Variants in CENPW observed in about 807,000 individuals in gnomAD.
CENPW encodes the protein centromere protein W, also known as cancer-up-regulated gene 2 protein.
CENPW carries 3 observed loss-of-function variants against 11.1 expected under a neutral mutation model. The ratio of observed to expected loss-of-function variants is 0.27; its 90% CI spans 0.12 to 0.70. The LOEUF (loss-of-function observed/expected upper bound fraction) is 0.70. Among genes scored for constraint, CENPW ranks in the 30% least tolerant of loss-of-function variants. The pLI is 0.77. For missense variants in CENPW, 100 were observed against 105.6 expected (o/e 0.95, Z 0.23); for synonymous variants, 38 against 42.0 (o/e 0.91, Z 0.37).
chr6:126,440,014 G>A, the CENPW span, among the ~76,000 whole-genome samples: 1 of 151,556 alleles, frequency 6.6e-6, no homozygotes, highest in East Asian at 1.9e-4. Context: ...AAATGTCTAA[G>A]TTAGATCATT....
chr6:126,398,540 T>A, the CENPW span, among the ~76,000 whole-genome samples: 1 of 152,144 alleles, frequency 6.6e-6, no homozygotes, highest in African/African-American at 2.4e-5. Context: ...CCTTAAATCA[T>A]CTCCTATAAA....
At chr6:126,410,086 G>C in the CENPW span, among the ~76,000 whole-genome samples, 1 of 151,774 alleles carries the variant, frequency 6.6e-6, no homozygotes, top group Admixed American at 6.6e-5. Context: ...TGTTCTACCA[G>C]AGCTTTATGT....
the CENPW span, among the ~76,000 whole-genome samples, chr6:126,480,961 G>T: frequency 6.6e-6 from 1 of 151,766 alleles, no homozygotes; most frequent in African/African-American, 2.4e-5. Context: ...AAAATAAAAT[G>T]CCAAAAATCT....
the CENPW span, among the ~76,000 whole-genome samples, chr6:126,425,379 C>G: frequency 1.3e-5 from 2 of 152,068 alleles, no homozygotes; most frequent in Non-Finnish European, 2.9e-5. Flanking sequence ...CTCTTTTACT[C>G]TCTCTCAAGA....
At chr6:126,456,796 A>G in the CENPW span, among the ~76,000 whole-genome samples, 7 of 151,578 alleles carry the variant, frequency 4.6e-5, no homozygotes, top group Admixed American at 6.6e-5. Context: ...TATGCAAACT[A>G]TGCAACCATC....
At chr6:126,428,901 T>C in the CENPW span, among the ~76,000 whole-genome samples, 2 of 152,190 alleles carry the variant, frequency 1.3e-5, no homozygotes, top group African/African-American at 4.8e-5. Context: ...TAGAGATAAC[T>C]TTTGCTACTG....
At chr6:126,427,404 G>A in the CENPW span, among the ~76,000 whole-genome samples, 1 of 152,268 alleles carries the variant, frequency 6.6e-6, no homozygotes, top group Non-Finnish European at 1.5e-5. Context: ...ACAATTGATA[G>A]GATTTGAGCA....
downstream of CENPW, among the ~76,000 whole-genome samples, chr6:126,349,694 AC>A (rs1402565852): frequency 1.6e-4 from 24 of 152,270 alleles, no homozygotes; most frequent in African/African-American, 5.5e-4. Context: ...AGTTTGTATA[AC>A]TATTCACTTA....
At chr6:126,355,034 A>C in the CENPW span, among the ~76,000 whole-genome samples, 5 of 152,140 alleles carry the variant, frequency 3.3e-5, no homozygotes, top group Non-Finnish European at 7.4e-5. Flanking sequence ...CTTTTAATAA[A>C]ACCCATGTGG....
the CENPW span, among the ~76,000 whole-genome samples, chr6:126,365,304 A>G: frequency 6.6e-6 from 1 of 152,232 alleles, no homozygotes. Flanking sequence ...CTGTAAGGAA[A>G]TACCTGAAAC....
At chr6:126,359,757 CT>C in the CENPW span, among the ~76,000 whole-genome samples, 660 of 137,604 alleles carry the variant, frequency 4.8e-3, 2 homozygotes, top group Middle Eastern at 7.8e-3. Context: ...TTTTTCTTTT[CT>C]TTTTTTTTTT....
chr6:126,433,289 T>C, the CENPW span, among the ~76,000 whole-genome samples: 2 of 152,218 alleles, frequency 1.3e-5, no homozygotes, highest in Non-Finnish European at 2.9e-5. Context: ...CATTTTACTA[T>C]ATATTAGGCC....
the CENPW span, among the ~76,000 whole-genome samples, chr6:126,367,193 A>C: frequency 6.6e-6 from 1 of 152,024 alleles, no homozygotes; most frequent in South Asian, 2.1e-4. Flanking sequence ...AATTATTTTT[A>C]AATTTCAATT....
At chr6:126,368,197 T>C in the CENPW span, among the ~76,000 whole-genome samples, 22 of 152,178 alleles carry the variant, frequency 1.4e-4, no homozygotes, top group Admixed American at 1.4e-3. Flanking sequence ...TGTTCCGCAC[T>C]GGGGGAATAA....
At chr6:126,431,790 G>C in the CENPW span, among the ~76,000 whole-genome samples, 1 of 152,060 alleles carries the variant, frequency 6.6e-6, no homozygotes, top group Non-Finnish European at 1.5e-5. Context: ...ATACTGGCCA[G>C]GCGCGGTGGC....
chr6:126,420,680 A>G, the CENPW span, among the ~76,000 whole-genome samples: 12 of 152,136 alleles, frequency 7.9e-5, no homozygotes, highest in Non-Finnish European at 1.0e-4. Context: ...CTCAGTAGGA[A>G]GCAGCTTTGA....
At chr6:126,430,953 ATAAGT>A in the CENPW span, among the ~76,000 whole-genome samples, 1 of 152,012 alleles carries the variant, frequency 6.6e-6, no homozygotes, top group Non-Finnish European at 1.5e-5. Flanking sequence ...ATAAAATAAA[ATAAGT>A]AAAGATTATT....
downstream of CENPW, among the ~76,000 whole-genome samples, chr6:126,352,089 G>T (rs188866331): frequency 6.6e-6 from 1 of 151,950 alleles, no homozygotes; most frequent in Admixed American, 6.6e-5. Context: ...GCCATCCAGG[G>T]GCCATGCTTC....
chr6:126,469,384 G>A, the CENPW span, among the ~76,000 whole-genome samples: 2 of 152,180 alleles, frequency 1.3e-5, no homozygotes, highest in South Asian at 4.1e-4. Flanking sequence ...TAAGTTTCCT[G>A]TGACCTCCCC....
Sources: gnomAD v4.1 joint callset for allele counts (sites outside exome capture counted in the v4.1 genomes callset) on GRCh38, gnomAD v4.1.1 for gene constraint, MANE v1.5 for transcripts, NCBI Gene and HGNC (gene_info 2026-07-23, HGNC 2026-07-21) for gene names.